RHCG: variants seen among roughly 807,000 people sequenced by gnomAD.
The protein encoded by RHCG is ammonium transporter Rh type C.
A neutral mutation model predicts 55.3 loss-of-function variants in RHCG; 39 were observed. That is an observed-to-expected ratio of 0.70 (90% CI 0.55 to 0.92). The LOEUF (loss-of-function observed/expected upper bound fraction) is 0.92, where lower values mean the gene tolerates loss of function less well. RHCG is among the 40% of genes least tolerant of loss of function. The pLI, the probability that RHCG is intolerant of heterozygous loss-of-function variation, is 0.00. For synonymous variants in RHCG, 250 were observed against 246.8 expected (o/e 1.01, Z -0.12); for missense variants, 635 against 627.9 (o/e 1.01, Z -0.12).
At position 89,475,056 on chromosome 15, in the gene RHCG, T is replaced by TCCTGCCTG. The variant is rs1567224076; in HGVS notation, c.1311+1698_1311+1699insCAGGCAGG. Among the ~76,000 whole-genome samples, 6 of 144,816 alleles carry TCCTGCCTG rather than the reference T, an allele frequency of 4.1e-5. No homozygotes were observed. In the South Asian group the frequency reaches 1.4e-3, roughly 33 times the overall value. On this transcript the variant is annotated intron_variant, in intron 9 of 10. Coordinates refer to ENST00000268122, the MANE Select transcript of RHCG (RefSeq NM_016321.3). ...CGCCTTCCTTCCTGCCCGCCTTCCTTCCTTCCTGCCTGCCTTCCTGCCTTC... is the reference window on the plus strand; with the variant it reads ...CGCCTTCCTTCCTGCCCGCCTTCCTTCCTGCCTGCCTTCCTGCCTGCCTTCCTGCCTTC...
chr15:89,489,910 C>T (rs1366829207), intron 1 of RHCG, among the ~76,000 whole-genome samples: 1 of 152,190 alleles, frequency 6.6e-6, no homozygotes, highest in Non-Finnish European at 1.5e-5. Flanking sequence ...TTGTCTATCC[C>T]ACTACGCTAT....
intron 1 of RHCG, among the ~76,000 whole-genome samples, chr15:89,492,396 G>A (rs564503637): frequency 6.6e-6 from 1 of 152,120 alleles, no homozygotes; most frequent in African/African-American, 2.4e-5. Context: ...CCCTCCAGGG[G>A]CTGGGTGCTG....
rs181242584 is a variant in RHCG at position 89,496,456 on chromosome 15, A to G, written c.89T>C (p.Val30Ala). The G allele has an allele frequency of 2.1e-4, 336 of 1,614,014 alleles. 6 individuals are homozygous for G. In the Admixed American group the frequency reaches 5.4e-3, roughly 26 times the overall value. ...VIMVILFGVF[V>A]RYDFEADAHW... ...GGCGTCGGCCTCGAAGTCGTAGCGC[A>G]CGAACACCCCGAAGAGAATCACCAT... The change falls in exon 1 of 11, where the codon GTG (valine) becomes GCG (alanine). Residue 30 changes from valine to alanine, a missense_variant. Transcript: ENST00000268122.
At chr15:89,490,888 CTG>C (rs1961463048) in intron 1 of RHCG, among the ~76,000 whole-genome samples, 2 of 152,006 alleles carry the variant, frequency 1.3e-5, no homozygotes, top group African/African-American at 4.8e-5. Flanking sequence ...GCAAATAGAG[CTG>C]TGAGTTGCAA....
chr15:89,486,623 T>A (rs1401873042), intron 2 of RHCG, 176 bp downstream of exon 2: 4 of 559,320 alleles, frequency 7.2e-6, no homozygotes, highest in African/African-American at 5.6e-5. Flanking sequence ...TGTGTGTGTG[T>A]GTGTGTGTGT....
chr15:89,495,115 C>T (rs998490296), intron 1 of RHCG, among the ~76,000 whole-genome samples: 1 of 152,136 alleles, frequency 6.6e-6, no homozygotes, highest in Non-Finnish European at 1.5e-5. Context: ...TGTGGTCTCC[C>T]CAGCAGGGGG....
chr15:89,489,546 G>A (rs568532395), intron 1 of RHCG, among the ~76,000 whole-genome samples: 1 of 152,150 alleles, frequency 6.6e-6, no homozygotes, highest in Middle Eastern at 3.4e-3. Flanking sequence ...TCCCAGCCCC[G>A]CCCACCTGTC....
At chr15:89,482,948 C>T (rs558517242) in intron 3 of RHCG, 119 bp downstream of exon 3, 26 of 998,916 alleles carry the variant, frequency 2.6e-5, no homozygotes, top group Admixed American at 5.3e-5. Context: ...AACTGAGTGA[C>T]GTTCAGGAAG....
Position 89,486,603 on chromosome 15 carries a change from T to A in RHCG, c.371+196A>T, listed in dbSNP as rs893721. On this transcript the variant is annotated intron_variant, in intron 2 of 10. Coordinates refer to ENST00000268122, the MANE Select transcript of RHCG (RefSeq NM_016321.3). ...GAGAGAGAGAGAGAGAGAGAGAGTG[T>A]GTGTGTGTGTGTGTGTGTGTGTGTG... The A allele has an allele frequency of 1.4e-3, 574 of 397,606 alleles. 3 individuals carry two copies. Among genetic ancestry groups the A allele is most frequent in the African/African-American group, 0.011 (391 of 36,308 alleles). The allele number at this position is 397,606 out of a possible 1,614,324, so 24.6% of individuals were successfully genotyped here.
At chr15:89,480,534 T>A in intron 3 of RHCG, 126 bp from the exon 4 acceptor site, 1 of 1,175,824 alleles carries the variant, frequency 8.5e-7, no homozygotes, top group Non-Finnish European at 1.2e-6. Flanking sequence ...GGGTGCAGGA[T>A]GGAGCCTGGG....
In RHCG at chr15:89,477,810, C is replaced by T; in HGVS notation, c.975+27G>A. ...CACAAAGACCTCAGCATTCTCTAGCCCCCAGCCCCTTGCCTGGGGCACTTA... is the reference window on the plus strand; with the variant it reads ...CACAAAGACCTCAGCATTCTCTAGCTCCCAGCCCCTTGCCTGGGGCACTTA... On this transcript the variant is annotated intron_variant, in intron 6 of 10. Transcript: ENST00000268122. This position sits in a 1 kb window ranked among gnomAD's most constrained non-coding sequence, Gnocchi z 4.5. The T allele has an allele frequency of 6.2e-7, 1 of 1,613,626 alleles. No homozygotes were observed. The highest frequency in any genetic ancestry group is 8.5e-7 in the Non-Finnish European group (1 of 1,179,786).
intron 5 of RHCG, among the ~76,000 whole-genome samples, chr15:89,478,291 G>C (rs1267444838): frequency 6.6e-6 from 1 of 152,216 alleles, no homozygotes; most frequent in Admixed American, 6.5e-5. Flanking sequence ...ATGTATACCT[G>C]TGTGCCCAGA....
chr15:89,491,215 C>G (rs968735868), intron 1 of RHCG, among the ~76,000 whole-genome samples: 2 of 152,050 alleles, frequency 1.3e-5, no homozygotes, highest in Non-Finnish European at 2.9e-5. Flanking sequence ...CCTGGTCCAT[C>G]CTCCCTGCCT....
At chr15:89,484,503 C>T (rs780620673) in intron 2 of RHCG, among the ~76,000 whole-genome samples, 3 of 151,956 alleles carry the variant, frequency 2.0e-5, no homozygotes, top group Non-Finnish European at 4.4e-5. Context: ...AGAGAGAGGC[C>T]GGCCATGGTG....
intron 1 of RHCG, among the ~76,000 whole-genome samples, chr15:89,487,448 C>T (rs926975367): frequency 6.6e-6 from 1 of 152,164 alleles, no homozygotes; most frequent in Non-Finnish European, 1.5e-5. Flanking sequence ...TAGCCCAGAC[C>T]GTCTGAGGCT....
intron 2 of RHCG, 157 bp downstream of exon 2, chr15:89,486,642 G>GTGTGTGTGTC: frequency 3.7e-6 from 2 of 537,728 alleles, no homozygotes; most frequent in Non-Finnish European, 7.0e-6. Context: ...GTGTGTGTGT[G>GTGTGTGTGTC]TATCTGTCTC....
chr15:89,481,153 A>G lies in RHCG; in HGVS notation c.523-745T>C, dbSNP rs78506758. Among the ~76,000 whole-genome samples the G allele has an allele frequency of 6.0e-3, 918 of 152,304 alleles. 11 individuals are homozygous for G. Among genetic ancestry groups the G allele is most frequent in the African/African-American group, 0.021 (872 of 41,568 alleles). On this transcript the variant is annotated intron_variant, in intron 3 of 10. Coordinates refer to ENST00000268122, the MANE Select transcript of RHCG (RefSeq NM_016321.3). ...TCTGAGCCTCAGCTTTCTCATCTAT[A>G]AAACAGGGGTAAGCCAGGCACAGTG...
intron 1 of RHCG, among the ~76,000 whole-genome samples, chr15:89,490,565 A>T (rs1161957188): frequency 6.6e-6 from 1 of 152,234 alleles, no homozygotes; most frequent in Non-Finnish European, 1.5e-5. Context: ...AAATGGTATT[A>T]TGGTTATTCT....
chr15:89,475,047 CGCCTTCCTTCCTTCCTGCCT>C (rs1961117169), intron 9 of RHCG, among the ~76,000 whole-genome samples: 1 of 31,856 alleles, frequency 3.1e-5, no homozygotes, highest in Non-Finnish European at 6.1e-5. Context: ...CCTTCCTGCC[CGCCTTCCTTCCTTCCTGCCT>C]GCCTTCCTGC....
Sources: gnomAD v4.1 joint callset for allele counts (sites outside exome capture counted in the v4.1 genomes callset) on GRCh38, gnomAD v4.1.1 for gene constraint, Gnocchi (gnomAD v3.1) non-coding constraint, MANE v1.5 for transcripts, NCBI Gene and HGNC (gene_info 2026-07-23, HGNC 2026-07-21) for gene names.